PHACTR1: variants seen among roughly 807,000 people sequenced by gnomAD.
The protein encoded by PHACTR1 is RPEL repeat containing 1.
Under a neutral mutation model 69.2 loss-of-function variants are expected in PHACTR1, and 16 were observed. The ratio of observed to expected loss-of-function variants is 0.23; its 90% CI spans 0.16 to 0.35. The LOEUF is 0.35. PHACTR1 is among the 10% of genes least tolerant of loss of function. The probability of loss-of-function intolerance (pLI) is 1.00; values close to 1 mark genes in which losing one functional copy is unlikely to be tolerated. For synonymous variants in PHACTR1, 312 were observed against 284.5 expected, an observed-to-expected ratio of 1.10 and a Z score of -0.97; for missense variants, 510 against 734.7, an observed-to-expected ratio of 0.69 and a Z score of 3.54.
chr6:13,056,332 T>A (rs1369030430), intron 5 of PHACTR1, among the ~76,000 whole-genome samples: 1 of 152,156 alleles, frequency 6.6e-6, no homozygotes, highest in African/African-American at 2.4e-5. Flanking sequence ...CCCAGGAGTT[T>A]AAGACTTCAG....
intron 4 of PHACTR1, among the ~76,000 whole-genome samples, chr6:12,915,935 A>G (rs1271375823): frequency 1.3e-5 from 2 of 152,144 alleles, no homozygotes; most frequent in Non-Finnish European, 2.9e-5. Flanking sequence ...GCTTCCTAAA[A>G]TAACAAAATT....
chr6:12,982,889 C>A (rs1220851763), intron 4 of PHACTR1, among the ~76,000 whole-genome samples: 2 of 152,160 alleles, frequency 1.3e-5, no homozygotes, highest in Non-Finnish European at 2.9e-5. Context: ...TGTATATTCA[C>A]AATAACTATG....
intron 4 of PHACTR1, among the ~76,000 whole-genome samples, chr6:12,863,100 C>G (rs1476843279): frequency 6.6e-6 from 1 of 152,240 alleles, no homozygotes; most frequent in Non-Finnish European, 1.5e-5. Flanking sequence ...TAATTGTCAG[C>G]AGCATTTGCT....
intron 4 of PHACTR1, among the ~76,000 whole-genome samples, chr6:12,880,856 C>T (rs928629308): frequency 4.1e-5 from 6 of 146,440 alleles, no homozygotes; most frequent in African/African-American, 1.5e-4. Flanking sequence ...TTCATGTTCG[C>T]GGAACAGGCA....
intron 4 of PHACTR1, among the ~76,000 whole-genome samples, chr6:12,870,880 A>G (rs1781961728): frequency 6.6e-6 from 1 of 152,216 alleles, no homozygotes; most frequent in African/African-American, 2.4e-5. Flanking sequence ...TTTTTTATAA[A>G]TTAACTCTAC....
In PHACTR1 at chr6:13,272,627, G is replaced by A. The variant is rs955186132; in HGVS notation, c.1392-233G>A. ...GAGGAGATGGGGCTGGGGAGGGGCC[G>A]CTGCAGGGAGGAGGGCGGGGGTCAG... is the stretch of plus-strand genomic sequence containing the variant. On this transcript the variant is annotated intron_variant, in intron 10 of 14. Coordinates refer to ENST00000332995, the MANE Select transcript of PHACTR1 (RefSeq NM_030948.6). The A allele has an allele frequency of 7.5e-6, 10 of 1,340,702 alleles. No homozygotes were observed. In the East Asian group the frequency reaches 7.9e-5, roughly 11 times the overall value. 83.1% of individuals were successfully genotyped at this position (1,340,702 alleles called of 1,614,324 possible).
chr6:12,755,864 G>A (rs927855087), intron 4 of PHACTR1, among the ~76,000 whole-genome samples: 1 of 152,058 alleles, frequency 6.6e-6, no homozygotes, highest in African/African-American at 2.4e-5. Context: ...TAAACATGTG[G>A]GCAGACCAGC....
At chr6:12,869,177 C>A (rs921249675) in intron 4 of PHACTR1, among the ~76,000 whole-genome samples, 1 of 152,186 alleles carries the variant, frequency 6.6e-6, no homozygotes, top group Non-Finnish European at 1.5e-5. Context: ...GATAGATTCC[C>A]AGCCTGTGGC....
At chr6:13,134,135 C>T (rs1821099100) in intron 5 of PHACTR1, among the ~76,000 whole-genome samples, 1 of 152,092 alleles carries the variant, frequency 6.6e-6, no homozygotes, top group African/African-American at 2.4e-5. Context: ...GCGTCTCCGC[C>T]TGGCAGCCGC....
intron 8 of PHACTR1, among the ~76,000 whole-genome samples, chr6:13,222,520 G>C (rs575290913): frequency 6.6e-6 from 1 of 152,346 alleles, no homozygotes; most frequent in South Asian, 2.1e-4. Flanking sequence ...GAACTCACAT[G>C]AGAGGATCTG....
chr6:12,859,579 G>C (rs1239310940), intron 4 of PHACTR1, among the ~76,000 whole-genome samples: 1 of 152,160 alleles, frequency 6.6e-6, no homozygotes, highest in Admixed American at 6.5e-5. Flanking sequence ...AATGAGAAAA[G>C]GTAGCAGTTG....
At chr6:13,264,849 C>G (rs1584298593) in intron 10 of PHACTR1, 1 of 152,238 alleles carries the variant, frequency 6.6e-6, no homozygotes, top group East Asian at 1.9e-4. Flanking sequence ...ACAGAAAGAC[C>G]TCGTCTCTAC....
intron 4 of PHACTR1, among the ~76,000 whole-genome samples, chr6:12,771,989 T>A (rs1364622342): frequency 6.6e-6 from 1 of 152,184 alleles, no homozygotes; most frequent in Non-Finnish European, 1.5e-5. Flanking sequence ...CCATCAGATG[T>A]TCTTTCAGCC....
At chr6:13,110,178 C>T (rs1341301535) in intron 5 of PHACTR1, among the ~76,000 whole-genome samples, 1 of 151,664 alleles carries the variant, frequency 6.6e-6, no homozygotes, top group Non-Finnish European at 1.5e-5. Flanking sequence ...TTCACGTTTT[C>T]TTGTTTTTCT....
At chr6:12,975,143 G>A (rs1349631955) in intron 4 of PHACTR1, among the ~76,000 whole-genome samples, 2 of 152,166 alleles carry the variant, frequency 1.3e-5, no homozygotes, top group Non-Finnish European at 2.9e-5. Context: ...GGAAGTATGG[G>A]AAATGAATAT....
chr6:13,111,851 G>A (rs559227612), intron 5 of PHACTR1, among the ~76,000 whole-genome samples: 1 of 151,768 alleles, frequency 6.6e-6, no homozygotes, highest in South Asian at 2.1e-4. Flanking sequence ...TTCTTTTTTA[G>A]CTCTAGGATA....
Position 13,283,044 on chromosome 6 carries a change from T to C in PHACTR1, c.1510-378T>C, listed in dbSNP as rs537553325. On this transcript the variant is annotated intron_variant, in intron 12 of 14. Coordinates refer to ENST00000332995, the MANE Select transcript of PHACTR1 (RefSeq NM_030948.6). This position sits in a 1 kb window ranked among gnomAD's most constrained non-coding sequence, Gnocchi z 4.7. Reference sequence around the variant, plus strand: ...GATTTGTTTCAAAGCAATCTACATGTGGATGTAGTCAAGAGTTGATTATTG... The same window carrying C: ...GATTTGTTTCAAAGCAATCTACATGCGGATGTAGTCAAGAGTTGATTATTG... Among the ~76,000 whole-genome samples, 1 of 152,196 alleles carries C rather than the reference T, an allele frequency of 6.6e-6. No individual in the cohort carries two copies. Among genetic ancestry groups the C allele is most frequent in the Admixed American group, 6.5e-5 (1 of 15,278 alleles).
chr6:13,281,060 T>C (rs1780072127), intron 12 of PHACTR1: 1 of 1,289,614 alleles, frequency 7.8e-7, no homozygotes, highest in Admixed American at 2.3e-5. Context: ...GCTGTCTTGA[T>C]TTGGAAAGAC....
At chr6:13,174,404 A>G (rs1008947508) in intron 6 of PHACTR1, among the ~76,000 whole-genome samples, 27 of 152,266 alleles carry the variant, frequency 1.8e-4, no homozygotes, top group African/African-American at 6.3e-4. Flanking sequence ...AATTTTTGCA[A>G]GCATGCATGT....
Sources: allele counts gnomAD v4.1 joint callset (sites outside exome capture counted in the v4.1 genomes callset), GRCh38; gene constraint gnomAD v4.1.1; non-coding constraint Gnocchi (gnomAD v3.1); transcripts MANE v1.5; gene names NCBI Gene and HGNC (gene_info 2026-07-23, HGNC 2026-07-21).